The following CUX2 variants were observed in gnomAD, a reference collection of about 807,000 sequenced individuals.
The protein encoded by CUX2 is cut like homeobox 2.
CUX2 carries 40 observed loss-of-function variants against 144.8 expected under a neutral mutation model. That is an observed-to-expected ratio of 0.28 (90% CI 0.21 to 0.36). The LOEUF (loss-of-function observed/expected upper bound fraction) is 0.36, where lower values mean the gene tolerates loss of function less well. CUX2 is among the 10% of genes least tolerant of loss of function. CUX2 has a pLI of 1.00. For synonymous variants in CUX2, 827 were observed against 875.6 expected, an observed-to-expected ratio of 0.94 and a Z score of 0.98; for missense variants, 1,615 against 1,994.0, an observed-to-expected ratio of 0.81 and a Z score of 3.62.
intron 1 of CUX2, among the ~76,000 whole-genome samples, chr12:111,164,427 T>G (rs1263471616): frequency 6.6e-6 from 1 of 151,488 alleles, no homozygotes. Flanking sequence ...AATACAAAAA[T>G]TAGCTGGGCG....
chr12:111,147,294 G>A (rs1876743938), intron 1 of CUX2, among the ~76,000 whole-genome samples: 1 of 152,194 alleles, frequency 6.6e-6, no homozygotes, highest in Non-Finnish European at 1.5e-5. Flanking sequence ...CTTAGTCCTA[G>A]CAGTGTTTGG....
At chr12:111,218,867 C>A (rs1392912048) in intron 3 of CUX2, among the ~76,000 whole-genome samples, 2 of 152,068 alleles carry the variant, frequency 1.3e-5, no homozygotes, top group Non-Finnish European at 2.9e-5. Context: ...CCCGCCCCAC[C>A]CCGCCCATTT....
chr12:111,184,093 G>A (rs959441396), intron 1 of CUX2, among the ~76,000 whole-genome samples: 1 of 152,178 alleles, frequency 6.6e-6, no homozygotes, highest in South Asian at 2.1e-4. Context: ...GTTGATGGGA[G>A]CAGCCATCAA....
At chr12:111,183,584 G>C (rs1247592308) in intron 1 of CUX2, among the ~76,000 whole-genome samples, 1 of 152,214 alleles carries the variant, frequency 6.6e-6, no homozygotes, top group Non-Finnish European at 1.5e-5. Flanking sequence ...AACAGACCTT[G>C]GTTTGAATCC....
At chr12:111,154,440 G>C (rs1336183839) in intron 1 of CUX2, among the ~76,000 whole-genome samples, 1 of 152,160 alleles carries the variant, frequency 6.6e-6, no homozygotes, top group Non-Finnish European at 1.5e-5. Context: ...TGTAATCAGA[G>C]CCTTCTTTTC....
intron 16 of CUX2, among the ~76,000 whole-genome samples, chr12:111,313,591 G>A (rs577560123): frequency 5.3e-5 from 8 of 151,204 alleles, no homozygotes; most frequent in South Asian, 4.2e-4. Flanking sequence ...ACAGTGAGCC[G>A]AGATCACACC....
At chr12:111,052,673 A>G (rs1416946340) in intron 1 of CUX2, among the ~76,000 whole-genome samples, 3 of 151,726 alleles carry the variant, frequency 2.0e-5, no homozygotes, top group Non-Finnish European at 4.4e-5. Context: ...GTGTATCTGC[A>G]TCCACATGTG....
Position 111,186,785 on chromosome 12 carries a change from T to TC in CUX2, c.64-27415_64-27414insC, listed in dbSNP as rs1239225006. ...AAAATCGATATGATGTGTGTATGTT[T>TC]TTTTTTTTTTTGAGACAGAATTTCA... is the stretch of plus-strand genomic sequence containing the variant. On this transcript the variant is annotated intron_variant, in intron 1 of 21. Transcript: ENST00000261726. The surrounding 1 kb of genome is among the most constrained non-coding windows in gnomAD (Gnocchi z 4.4). 3.4e-5 allele frequency among the ~76,000 whole-genome samples: 5 copies of TC among 148,472 alleles called. No homozygotes were observed. The highest frequency in any genetic ancestry group is 5.2e-5 in the African/African-American group (2 of 38,216).
In CUX2 at chr12:111,347,809, C is replaced by T. The variant is rs189935634; in HGVS notation, c.3945C>T (p.Pro1315=). The T allele has an allele frequency of 2.5e-4, 406 of 1,614,054 alleles. 3 individuals are homozygous for T. In the African/African-American group the frequency reaches 4.7e-3, roughly 19 times the overall value. ...EDAEEEAGSQ[P]QDSGELDKGQ... The stretch of plus-strand genomic sequence containing the variant: ...CTGAGGAAGAGGCAGGCAGCCAGCC[C>T]CAGGACTCAGGGGAGCTGGACAAAG... Residue 1315 remains proline, a synonymous_variant, in exon 22 of 22, where the codon CCC becomes CCT. Transcript: ENST00000261726.
chr12:111,324,105 C>G (rs2879564), intron 18 of CUX2, among the ~76,000 whole-genome samples: 41,872 of 151,866 alleles, frequency 0.28, 8,269 homozygotes, highest in East Asian at 0.78. Context: ...AATCCCAGCA[C>G]TTTGGGAGGC....
chr12:111,280,009 C>G (rs567388882), intron 4 of CUX2, among the ~76,000 whole-genome samples: 1 of 149,918 alleles, frequency 6.7e-6, no homozygotes. Flanking sequence ...AAGGACCAGG[C>G]GCAGTGGCTC....
chr12:111,078,075 G>A (rs754374455), intron 1 of CUX2, among the ~76,000 whole-genome samples: 6 of 152,198 alleles, frequency 3.9e-5, no homozygotes, highest in Non-Finnish European at 7.3e-5. Context: ...ATAGAAATCA[G>A]CAAATGAGTA....
intron 1 of CUX2, among the ~76,000 whole-genome samples, chr12:111,093,036 G>A (rs908132706): frequency 2.0e-5 from 3 of 151,938 alleles, no homozygotes; most frequent in Admixed American, 1.3e-4. Flanking sequence ...GGCTGGTCTC[G>A]AATTCCTGGG....
At position 111,235,678 on chromosome 12, in the gene CUX2, G is replaced by A. The variant is rs535108220; in HGVS notation, c.222+17741G>A. On this transcript the variant is annotated intron_variant, in intron 3 of 21. Coordinates refer to ENST00000261726, the MANE Select transcript of CUX2 (RefSeq NM_015267.4). ...AGAGATTGCAGTGAGCTGAGATCGC[G>A]CCACTGCACTCTAGCCCAGGCAACA... 4.2e-4 allele frequency among the ~76,000 whole-genome samples: 64 copies of A among 151,984 alleles called. 2 individuals are homozygous for A. Among genetic ancestry groups the A allele is most frequent in the East Asian group, 1.2e-3 (6 of 5,174 alleles).
chr12:111,128,831 G>A (rs112448102), intron 1 of CUX2, among the ~76,000 whole-genome samples: 7 of 152,214 alleles, frequency 4.6e-5, no homozygotes, highest in Admixed American at 1.3e-4. Context: ...CTGACACCTC[G>A]GGCACCATGG....
intron 3 of CUX2, among the ~76,000 whole-genome samples, chr12:111,256,934 G>A (rs1289210613): frequency 1.3e-5 from 2 of 152,118 alleles, no homozygotes; most frequent in Non-Finnish European, 2.9e-5. Flanking sequence ...AGACAGCTTG[G>A]TGGAGCTCAG....
At chr12:111,182,598 G>A (rs184606338) in intron 1 of CUX2, among the ~76,000 whole-genome samples, 64 of 152,344 alleles carry the variant, frequency 4.2e-4, no homozygotes, top group Middle Eastern at 3.4e-3. Context: ...AGGCCTCCCA[G>A]TTCCCAGAAG....
At chr12:111,181,417 T>C (rs192907735) in intron 1 of CUX2, among the ~76,000 whole-genome samples, 143 of 152,360 alleles carry the variant, frequency 9.4e-4, no homozygotes, top group Non-Finnish European at 8.7e-4. Context: ...TAGACTCTCC[T>C]GATTGGGCGA....
chr12:111,244,533 G>A (rs1488617543), intron 3 of CUX2, among the ~76,000 whole-genome samples: 2 of 152,210 alleles, frequency 1.3e-5, no homozygotes, highest in Non-Finnish European at 2.9e-5. Context: ...TGCTGATCAC[G>A]ACCCCGTGGT....
Sources: gnomAD v4.1 joint callset for allele counts (sites outside exome capture counted in the v4.1 genomes callset) on GRCh38, gnomAD v4.1.1 for gene constraint, Gnocchi (gnomAD v3.1) non-coding constraint, MANE v1.5 for transcripts, NCBI Gene and HGNC (gene_info 2026-07-23, HGNC 2026-07-21) for gene names.